XRCC5: variants seen among roughly 807,000 people sequenced by gnomAD.
XRCC5 encodes X-ray repair cross complementing 5.
In XRCC5, 12 loss-of-function variants were observed where a neutral mutation model predicts 95.7. The ratio of observed to expected loss-of-function variants is 0.13; its 90% CI spans 0.08 to 0.20. The LOEUF (loss-of-function observed/expected upper bound fraction) is 0.20, where lower values mean the gene tolerates loss of function less well. Among genes scored for constraint, XRCC5 ranks in the 10% least tolerant of loss-of-function variants. XRCC5 has a pLI of 1.00. For missense variants in XRCC5, 595 were observed against 873.9 expected (o/e 0.68, Z 4.02); for synonymous variants, 281 against 290.3 (o/e 0.97, Z 0.33).
chr2:216,132,907 T>G (rs772237246), intron 10 of XRCC5, among the ~76,000 whole-genome samples: 2 of 152,218 alleles, frequency 1.3e-5, no homozygotes, highest in African/African-American at 4.8e-5. Flanking sequence ...GATCTCCAAG[T>G]TAGAACTAAC....
intron 13 of XRCC5, among the ~76,000 whole-genome samples, chr2:216,141,651 A>G (rs527761808): frequency 1.4e-5 from 2 of 146,028 alleles, no homozygotes; most frequent in South Asian, 2.1e-4. Context: ...ATAGCTCACT[A>G]TAGCCTCAAA....
intron 16 of XRCC5, among the ~76,000 whole-genome samples, chr2:216,164,419 AT>A (rs762156688): frequency 3.3e-5 from 5 of 152,234 alleles, no homozygotes; most frequent in Non-Finnish European, 5.9e-5. Context: ...TGTTATTTTA[AT>A]TACCCTGCAT....
In XRCC5 at chr2:216,172,469, C is replaced by CTTTTTTTTTTTTTTTTTTTTTT. The variant is rs746493174; in HGVS notation, c.1834+10438_1834+10439insTTTTTTTTTTTTTTTTTTTTTT. On this transcript the variant is annotated intron_variant, in intron 16 of 20. Coordinates refer to ENST00000392132, the MANE Select transcript of XRCC5 (RefSeq NM_021141.4). ...AAACTTTAGCATCAGCTTTTCTTTT[C>CTTTTTTTTTTTTTTTTTTTTTT]TTTTTTTTTTTTTTTTTGAGACAAA... Among the ~76,000 whole-genome samples the CTTTTTTTTTTTTTTTTTTTTTT allele has an allele frequency of 1.2e-3, 132 of 107,734 alleles. 17 individuals are homozygous for CTTTTTTTTTTTTTTTTTTTTTT. Among genetic ancestry groups the CTTTTTTTTTTTTTTTTTTTTTT allele is most frequent in the African/African-American group, 3.3e-3 (84 of 25,472 alleles). 70.7% of individuals were successfully genotyped at this position (107,734 alleles called of 152,430 possible). A position where few individuals can be genotyped will look rare whatever the true frequency, so the allele number is the denominator to read the frequency against.
At chr2:216,119,793 T>G (rs1696774505) in intron 5 of XRCC5, among the ~76,000 whole-genome samples, 1 of 152,232 alleles carries the variant, frequency 6.6e-6, no homozygotes, top group Non-Finnish European at 1.5e-5. Context: ...AACTTGAATA[T>G]TCCCTCCGGG....
chr2:216,109,758 C>T (rs906915174), intron 1 of XRCC5, among the ~76,000 whole-genome samples: 20 of 151,574 alleles, frequency 1.3e-4, no homozygotes, highest in African/African-American at 4.9e-4. Flanking sequence ...CCCGCCTCCC[C>T]TCTCTCTCTC....
chr2:216,192,211 C>G (rs1689626137), intron 17 of XRCC5, among the ~76,000 whole-genome samples: 1 of 152,142 alleles, frequency 6.6e-6, no homozygotes, highest in African/African-American at 2.4e-5. Flanking sequence ...CCAGGCTGAT[C>G]TCGAACTCCT....
chr2:216,139,489 A>G (rs1411125250), intron 12 of XRCC5, among the ~76,000 whole-genome samples: 1 of 152,084 alleles, frequency 6.6e-6, no homozygotes, highest in Non-Finnish European at 1.5e-5. Context: ...ATAGCACAAG[A>G]AAGACCAGCC....
intron 16 of XRCC5, among the ~76,000 whole-genome samples, chr2:216,172,667 C>T (rs774533358): frequency 5.9e-5 from 9 of 151,908 alleles, no homozygotes; most frequent in Non-Finnish European, 8.8e-5. Context: ...GACAGGGTTT[C>T]GCCATGTTGA....
Position 216,125,825 on chromosome 2 carries a change from C to T in XRCC5, c.684-92C>T, listed in dbSNP as rs1696891933. On this transcript the variant is annotated intron_variant, in intron 6 of 20. Coordinates refer to ENST00000392132, the MANE Select transcript of XRCC5 (RefSeq NM_021141.4). ...TTTCTCTCTTTATAATTAACATTAG[C>T]TCACTTCTCATTGTAGAAAATCAAA... The T allele has an allele frequency of 1.6e-5, 16 of 997,350 alleles. No homozygotes were observed. The South Asian group carries it at 2.0e-4, about 13-fold the overall frequency. 61.8% of individuals were successfully genotyped at this position (997,350 alleles called of 1,614,324 possible). A position where few individuals can be genotyped will look rare whatever the true frequency, so the allele number is the denominator to read the frequency against.
intron 19 of XRCC5, among the ~76,000 whole-genome samples, chr2:216,197,778 T>A (rs1689756331): frequency 6.6e-6 from 1 of 152,196 alleles, no homozygotes; most frequent in South Asian, 2.1e-4. Flanking sequence ...CATTGCACAT[T>A]CACCTAGCAG....
chr2:216,156,687 A>G (rs1432779204), intron 14 of XRCC5: 3 of 542,078 alleles, frequency 5.5e-6, no homozygotes, highest in Non-Finnish European at 1.1e-5. Context: ...TTATTCTACC[A>G]CCTTCCATGA....
chr2:216,202,276 C>T (rs985653894), intron 19 of XRCC5, among the ~76,000 whole-genome samples: 9 of 152,160 alleles, frequency 5.9e-5, no homozygotes, highest in African/African-American at 2.2e-4. Flanking sequence ...TAAGTCTTAT[C>T]CTGTAGCCAT....
At chr2:216,124,951 T>C (rs1168178741) in intron 6 of XRCC5, among the ~76,000 whole-genome samples, 1 of 152,214 alleles carries the variant, frequency 6.6e-6, no homozygotes, top group Non-Finnish European at 1.5e-5. Flanking sequence ...TGTTTGCACC[T>C]CTCCCCAGCT....
chr2:216,178,574 C>T (rs557469194), intron 16 of XRCC5, among the ~76,000 whole-genome samples: 1 of 152,288 alleles, frequency 6.6e-6, no homozygotes, highest in Non-Finnish European at 1.5e-5. Flanking sequence ...TGAGATGAGG[C>T]ATACTTAGTA....
intron 20 of XRCC5, 151 bp downstream of exon 20, chr2:216,204,547 A>G (rs137861441): frequency 1.3e-6 from 1 of 752,280 alleles, no homozygotes; most frequent in East Asian, 2.7e-5. Flanking sequence ...ATATATTGCC[A>G]TTATAAATTC....
chr2:216,141,668 T>G (rs1697174873), intron 13 of XRCC5, among the ~76,000 whole-genome samples: 1 of 150,384 alleles, frequency 6.6e-6, no homozygotes, highest in South Asian at 2.1e-4. Flanking sequence ...CAAACTCCTG[T>G]GCTCAAGCAC....
At chr2:216,148,315 A>C in intron 14 of XRCC5, 39 bp downstream of exon 14, 1 of 1,566,076 alleles carries the variant, frequency 6.4e-7, no homozygotes. Context: ...ATTGGGGTAC[A>C]TAAGAGTTGT....
chr2:216,111,383 G>T (rs1438968896), intron 1 of XRCC5: 1 of 451,106 alleles, frequency 2.2e-6, no homozygotes, highest in African/African-American at 2.0e-5. Flanking sequence ...AATTAGCTGG[G>T]CATGGTGGGG....
At chr2:216,159,534 G>C (rs1355947924) in intron 14 of XRCC5, among the ~76,000 whole-genome samples, 1 of 152,104 alleles carries the variant, frequency 6.6e-6, no homozygotes, top group African/African-American at 2.4e-5. Flanking sequence ...AAGAGGGAAA[G>C]CTCTTGCATA....
Sources: gnomAD v4.1 joint callset for allele counts (sites outside exome capture counted in the v4.1 genomes callset) on GRCh38, gnomAD v4.1.1 for gene constraint, MANE v1.5 for transcripts, NCBI Gene and HGNC (gene_info 2026-07-23, HGNC 2026-07-21) for gene names.